KCNQ5: variants seen among roughly 807,000 people sequenced by gnomAD.
The protein encoded by KCNQ5 is potassium voltage-gated channel subfamily KQT member 5.
In KCNQ5, 30 loss-of-function variants were observed where a neutral mutation model predicts 98.2. That is an observed-to-expected ratio of 0.31 (90% confidence interval 0.23 to 0.41). The LOEUF (loss-of-function observed/expected upper bound fraction) is 0.41, where lower values mean the gene tolerates loss of function less well. KCNQ5 is among the 10% of genes least tolerant of loss of function. KCNQ5 has a pLI of 1.00. For synonymous variants in KCNQ5, 458 were observed against 449.4 expected, an observed-to-expected ratio of 1.02 and a Z score of -0.24; for missense variants, 835 against 1,182.5, an observed-to-expected ratio of 0.71 and a Z score of 4.31.
chr6:73,024,673 T>A (rs931231324), intron 2 of KCNQ5, among the ~76,000 whole-genome samples: 1 of 152,224 alleles, frequency 6.6e-6, no homozygotes, highest in East Asian at 1.9e-4. Flanking sequence ...GTTTTAATTA[T>A]AAGATGGAAA....
At chr6:72,666,809 A>G (rs1766842069) in intron 1 of KCNQ5, among the ~76,000 whole-genome samples, 1 of 152,218 alleles carries the variant, frequency 6.6e-6, no homozygotes, top group Non-Finnish European at 1.5e-5. Context: ...TGTAAAGTCC[A>G]GTAAGAAACT....
intron 1 of KCNQ5, among the ~76,000 whole-genome samples, chr6:72,966,871 A>G (rs1416541329): frequency 6.6e-6 from 1 of 152,196 alleles, no homozygotes; most frequent in Non-Finnish European, 1.5e-5. Flanking sequence ...CCAACAGCTG[A>G]TTTCAATAAA....
chr6:73,184,715 A>G (rs1213480356), intron 11 of KCNQ5, among the ~76,000 whole-genome samples: 1 of 152,238 alleles, frequency 6.6e-6, no homozygotes, highest in Non-Finnish European at 1.5e-5. Flanking sequence ...GAGGGTGGTT[A>G]GGAAAGATTT....
intron 10 of KCNQ5, among the ~76,000 whole-genome samples, chr6:73,150,748 A>G (rs954692786): frequency 6.6e-6 from 1 of 151,848 alleles, no homozygotes; most frequent in African/African-American, 2.4e-5. Context: ...AAGTGAAAAT[A>G]TACCAATCCC....
chr6:72,870,005 C>T (rs1778140166), intron 1 of KCNQ5, among the ~76,000 whole-genome samples: 1 of 152,196 alleles, frequency 6.6e-6, no homozygotes. Context: ...AAAGTCCACA[C>T]CACTAAAATG....
intron 1 of KCNQ5, among the ~76,000 whole-genome samples, chr6:72,813,278 C>T (rs1775333160): frequency 6.6e-6 from 1 of 151,996 alleles, no homozygotes; most frequent in African/African-American, 2.4e-5. Context: ...GAGTGAAAGT[C>T]GTACCCTAAG....
At chr6:73,068,425 A>C (rs957244981) in intron 3 of KCNQ5, among the ~76,000 whole-genome samples, 2 of 152,230 alleles carry the variant, frequency 1.3e-5, no homozygotes, top group African/African-American at 4.8e-5. Context: ...CTTCTAAGAC[A>C]TAATGTTTTG....
At chr6:72,959,342 T>C (rs372529675) in intron 1 of KCNQ5, among the ~76,000 whole-genome samples, 1 of 152,168 alleles carries the variant, frequency 6.6e-6, no homozygotes, top group Non-Finnish European at 1.5e-5. Flanking sequence ...AACTTTCATA[T>C]TTGGGCAAGG....
At chr6:72,679,498 T>C (rs1170906342) in intron 1 of KCNQ5, among the ~76,000 whole-genome samples, 1 of 142,968 alleles carries the variant, frequency 7.0e-6, no homozygotes, top group East Asian at 2.1e-4. Flanking sequence ...CCGCATATTC[T>C]CACTCATAGG....
intron 1 of KCNQ5, among the ~76,000 whole-genome samples, chr6:72,965,009 C>T (rs1767537809): frequency 6.6e-6 from 1 of 152,068 alleles, no homozygotes; most frequent in African/African-American, 2.4e-5. Flanking sequence ...AATTGGGTCT[C>T]ACTACGTTTC....
At chr6:73,130,504 C>T (rs892824136) in intron 9 of KCNQ5, among the ~76,000 whole-genome samples, 1 of 152,150 alleles carries the variant, frequency 6.6e-6, no homozygotes, top group Non-Finnish European at 1.5e-5. Flanking sequence ...CAAAGCAAGA[C>T]CTCCTTGTTG....
Position 72,830,708 on chromosome 6 carries a change from T to C in KCNQ5, c.399-173200T>C, listed in dbSNP as rs1176603324. Reference sequence around the variant, plus strand: ...CTCATGTCTAAAACACCAAAAGCAATGGCAACAAAAGCCAAAATTGACAAA... The same window carrying C: ...CTCATGTCTAAAACACCAAAAGCAACGGCAACAAAAGCCAAAATTGACAAA... On this transcript the variant is annotated intron_variant, in intron 1 of 13. Coordinates refer to ENST00000370398, the MANE Select transcript of KCNQ5 (RefSeq NM_019842.4). Among the ~76,000 whole-genome samples the C allele has an allele frequency of 9.2e-5, 14 of 152,234 alleles. No homozygotes were observed. In the South Asian group the frequency reaches 2.7e-3, roughly 29 times the overall value.
At chr6:72,935,848 A>G (rs1765891982) in intron 1 of KCNQ5, among the ~76,000 whole-genome samples, 1 of 151,586 alleles carries the variant, frequency 6.6e-6, no homozygotes, top group Non-Finnish European at 1.5e-5. Context: ...CCCTCCTCTC[A>G]CTCTACCTCA....
At chr6:73,035,466 T>C (rs1771371336) in intron 2 of KCNQ5, among the ~76,000 whole-genome samples, 1 of 152,204 alleles carries the variant, frequency 6.6e-6, no homozygotes, top group East Asian at 1.9e-4. Context: ...AGCGAGCATT[T>C]TATTTCAACT....
intron 3 of KCNQ5, among the ~76,000 whole-genome samples, chr6:73,072,906 T>C (rs74814817): frequency 6.6e-6 from 1 of 152,088 alleles, no homozygotes; most frequent in East Asian, 1.9e-4. Context: ...CTTTTTTTTT[T>C]ATTCATGTGA....
At chr6:72,856,077 T>A (rs1221117109) in intron 1 of KCNQ5, among the ~76,000 whole-genome samples, 3 of 152,232 alleles carry the variant, frequency 2.0e-5, no homozygotes, top group Non-Finnish European at 4.4e-5. Flanking sequence ...CACAGCTGCA[T>A]ACAAATGGTA....
intron 1 of KCNQ5, among the ~76,000 whole-genome samples, chr6:72,787,004 CA>C (rs1045803750): frequency 0.11 from 5,500 of 50,434 alleles, 48 homozygotes; most frequent in South Asian, 0.2. Flanking sequence ...GACTCTGTCT[CA>C]AAAAAAAAAA....
At chr6:72,729,129 A>G (rs1770427988) in intron 1 of KCNQ5, among the ~76,000 whole-genome samples, 1 of 152,134 alleles carries the variant, frequency 6.6e-6, no homozygotes, top group Admixed American at 6.5e-5. Context: ...TATTCCATTT[A>G]ATGGACATAC....
At chr6:72,839,529 A>G (rs1776690386) in intron 1 of KCNQ5, among the ~76,000 whole-genome samples, 1 of 152,018 alleles carries the variant, frequency 6.6e-6, no homozygotes, top group Non-Finnish European at 1.5e-5. Flanking sequence ...CTATTACATT[A>G]CTCTAAAGGT....
Sources: gnomAD v4.1 joint callset for allele counts (sites outside exome capture counted in the v4.1 genomes callset) on GRCh38, gnomAD v4.1.1 for gene constraint, MANE v1.5 for transcripts, NCBI Gene and HGNC (gene_info 2026-07-23, HGNC 2026-07-21) for gene names.